The following PRIM2 variants were observed in gnomAD, a reference collection of about 807,000 sequenced individuals.
PRIM2 encodes the protein DNA primase subunit 2.
Under a neutral mutation model 67.3 loss-of-function variants are expected in PRIM2, and 39 were observed. The observed-to-expected ratio is 0.58, with a 90% CI of 0.45 to 0.76. The LOEUF (loss-of-function observed/expected upper bound fraction) is 0.76. Among genes scored for constraint, PRIM2 ranks in the 30% least tolerant of loss-of-function variants. The pLI is 0.00. For synonymous variants in PRIM2, 143 were observed against 198.7 expected (o/e 0.72, Z 2.36); for missense variants, 398 against 598.7 (o/e 0.66, Z 3.50).
intron 7 of PRIM2, among the ~76,000 whole-genome samples, chr6:57,391,597 C>T (rs1324677589): frequency 9.2e-5 from 14 of 152,144 alleles, no homozygotes; most frequent in Non-Finnish European, 1.6e-4. Context: ...GCCAGTTATC[C>T]AGCACCATTT....
chr6:57,409,951 C>A (rs1427355574), intron 7 of PRIM2, among the ~76,000 whole-genome samples: 5 of 152,072 alleles, frequency 3.3e-5, no homozygotes, highest in Admixed American at 2.0e-4. Context: ...CTCTATGACC[C>A]ATGTTTTGGT....
chr6:57,492,647 T>C (rs1442985182), intron 7 of PRIM2, among the ~76,000 whole-genome samples: 1 of 152,196 alleles, frequency 6.6e-6, no homozygotes, highest in Non-Finnish European at 1.5e-5. Context: ...ATAATTAGTA[T>C]ACAAAGTTAT....
chr6:57,381,478 A>G (rs1185999521), intron 6 of PRIM2, among the ~76,000 whole-genome samples: 2 of 151,168 alleles, frequency 1.3e-5, no homozygotes, highest in Non-Finnish European at 2.9e-5. Flanking sequence ...TTAAAAATAA[A>G]TTCTTGGGGC....
the PRIM2 span, among the ~76,000 whole-genome samples, chr6:57,307,277 G>A: frequency 2.7e-5 from 4 of 150,462 alleles, no homozygotes; most frequent in East Asian, 5.8e-4. Context: ...TTTTGGAGAC[G>A]GAGTCTTGCT....
chr6:57,374,332 C>T (rs1485868468), intron 5 of PRIM2, among the ~76,000 whole-genome samples: 48 of 149,488 alleles, frequency 3.2e-4, no homozygotes, highest in African/African-American at 9.1e-4. Flanking sequence ...TTCGCTCTGT[C>T]GCCCAGGCTG....
rs1045682550 is a variant in PRIM2, at chr6:57,361,603, G to T, written c.460-18298G>T. 5.3e-5 allele frequency among the ~76,000 whole-genome samples: 8 copies of T among 149,834 alleles called. No individual in the cohort carries two copies. In the South Asian group the frequency reaches 1.5e-3, roughly 29 times the overall value. On this transcript the variant is annotated intron_variant, in intron 5 of 13. Transcript: ENST00000615550. Reference sequence around the variant, plus strand: ...AGGTACCCCAGATTAATGAACAATTGATAAAAAGTGTGCTTTCTATGCAAA... The same window carrying T: ...AGGTACCCCAGATTAATGAACAATTTATAAAAAGTGTGCTTTCTATGCAAA...
Position 57,434,663 on chromosome 6 carries a change from G to T in PRIM2, c.693+52495G>T, listed in dbSNP as rs1408957269. 4.6e-5 allele frequency among the ~76,000 whole-genome samples: 7 copies of T among 151,472 alleles called. No homozygotes were observed. In the East Asian group the frequency reaches 1.2e-3, roughly 25 times the overall value. On this transcript the variant is annotated intron_variant, in intron 7 of 13. Coordinates refer to ENST00000615550, the MANE Select transcript of PRIM2 (RefSeq NM_000947.5). ...TCTCTTGATTTATTTTTTTTCTTTC[G>T]CTTGACTGCCTTCTGCCATTTAACT...
At chr6:57,335,870 A>G (rs1768225442) in intron 5 of PRIM2, among the ~76,000 whole-genome samples, 1 of 152,208 alleles carries the variant, frequency 6.6e-6, no homozygotes, top group African/African-American at 2.4e-5. Context: ...AATGACTTTG[A>G]CGAGCTGAGA....
the PRIM2 span, among the ~76,000 whole-genome samples, chr6:57,241,223 C>CAA: frequency 5.0e-3 from 481 of 95,790 alleles, 3 homozygotes; most frequent in East Asian, 0.024. Flanking sequence ...GACTCTGTCT[C>CAA]AAAAAAAAAA....
At chr6:57,567,980 T>G (rs1387536882) in intron 10 of PRIM2, among the ~76,000 whole-genome samples, 8 of 152,196 alleles carry the variant, frequency 5.3e-5, no homozygotes, top group African/African-American at 1.4e-4. Flanking sequence ...TTAAACTGTT[T>G]GTTTGTTCAT....
At chr6:57,510,696 T>C (rs1431740680) in intron 8 of PRIM2, among the ~76,000 whole-genome samples, 1 of 152,202 alleles carries the variant, frequency 6.6e-6, no homozygotes, top group Non-Finnish European at 1.5e-5. Flanking sequence ...GTCAGAGACA[T>C]GTATATGTCG....
In PRIM2 at chr6:57,398,123, G is replaced by T. The variant is rs542395914; in HGVS notation, c.693+15955G>T. ...TACAGATGCACACCACCACACCCAGGTAATTTTTGTATTTTTAGTAGAGGT... is the reference window on the plus strand; with the variant it reads ...TACAGATGCACACCACCACACCCAGTTAATTTTTGTATTTTTAGTAGAGGT... On this transcript the variant is annotated intron_variant, in intron 7 of 13. Transcript: ENST00000615550. 4.0e-5 allele frequency among the ~76,000 whole-genome samples: 6 copies of T among 151,576 alleles called. No homozygotes were observed. In the East Asian group the frequency reaches 1.2e-3, roughly 30 times the overall value.
At chr6:57,343,384 GTTA>G (rs555145855) in intron 5 of PRIM2, among the ~76,000 whole-genome samples, 5 of 152,302 alleles carry the variant, frequency 3.3e-5, no homozygotes, top group East Asian at 1.9e-4. Flanking sequence ...TGGGTCTCAA[GTTA>G]TTATAAGCCT....
At chr6:57,290,445 A>G in the PRIM2 span, among the ~76,000 whole-genome samples, 1 of 152,184 alleles carries the variant, frequency 6.6e-6, no homozygotes, top group Non-Finnish European at 1.5e-5. Flanking sequence ...AGACAGATCA[A>G]TGAGACAGAA....
At chr6:57,605,030 A>C (rs1776535289) in intron 11 of PRIM2, among the ~76,000 whole-genome samples, 1 of 152,186 alleles carries the variant, frequency 6.6e-6, no homozygotes, top group Non-Finnish European at 1.5e-5. Context: ...TATTGAGATA[A>C]TATGGTTTTT....
chr6:57,243,932 A>G, the PRIM2 span, among the ~76,000 whole-genome samples: 2 of 152,342 alleles, frequency 1.3e-5, no homozygotes, highest in South Asian at 4.1e-4. Flanking sequence ...TATACCTGTT[A>G]AAGTATACCC....
intron 7 of PRIM2, among the ~76,000 whole-genome samples, chr6:57,505,730 A>G (rs1774237256): frequency 6.6e-6 from 1 of 152,206 alleles, no homozygotes; most frequent in Middle Eastern, 3.2e-3. Context: ...TGAAATTAAG[A>G]TGAAGGGGTA....
chr6:57,512,875 G>A (rs1175668352), intron 8 of PRIM2, among the ~76,000 whole-genome samples: 1 of 152,122 alleles, frequency 6.6e-6, no homozygotes, highest in Non-Finnish European at 1.5e-5. Context: ...GGGATTACAG[G>A]TGTGAGCCAC....
chr6:57,292,962 T>C, the PRIM2 span, among the ~76,000 whole-genome samples: 1 of 152,208 alleles, frequency 6.6e-6, no homozygotes, highest in Admixed American at 6.5e-5. Flanking sequence ...CCAAAAGCAA[T>C]GGCAACAAAA....
Sources: gnomAD v4.1 joint callset for allele counts (sites outside exome capture counted in the v4.1 genomes callset) on GRCh38, gnomAD v4.1.1 for gene constraint, MANE v1.5 for transcripts, NCBI Gene and HGNC (gene_info 2026-07-23, HGNC 2026-07-21) for gene names.